NARF: variants seen among roughly 807,000 people sequenced by gnomAD.
NARF encodes nuclear prelamin A recognition factor, also known as iron-only hydrogenase-like protein 2.
Under a neutral mutation model 48.0 loss-of-function variants are expected in NARF, and 41 were observed. The observed-to-expected ratio is 0.85, with a 90% CI of 0.66 to 1.11. The LOEUF is 1.11. Ranked by LOEUF, NARF falls within the 50% of genes least tolerant of loss-of-function variation. NARF has a pLI of 0.00. For missense variants in NARF, 613 were observed against 590.2 expected (o/e 1.04, Z -0.40); for synonymous variants, 215 against 225.5 (o/e 0.95, Z 0.42).
Position 82,458,752 on chromosome 17 carries a change from C to T in NARF, c.-52C>T, listed in dbSNP as rs1359357956. 1 of 1,476,358 alleles carries T rather than the reference C, an allele frequency of 6.8e-7. No individual in the cohort carries two copies. The highest frequency in any genetic ancestry group is 2.8e-5 in the East Asian group (1 of 35,884). The allele number at this position is 1,476,358 out of a possible 1,614,324, so 91.5% of individuals were successfully genotyped here. On this transcript the variant is annotated 5_prime_UTR_variant, in exon 1 of 11. Transcript: ENST00000309794. ...CGGCGGGCAGTGGTGTCCCAGTCTC[C>T]CGGTGCTTCCCTGAGGCTGAGGCGC...
intron 6 of NARF, 59 bp downstream of exon 6, chr17:82,478,977 GCCCAGGAA>G: frequency 6.6e-7 from 1 of 1,505,724 alleles, no homozygotes; most frequent in Admixed American, 1.8e-5. Flanking sequence ...TGGCACAGGG[GCCCAGGAA>G]GGGGAGGTTC....
intron 10 of NARF, 51 bp from the exon 11 acceptor site, chr17:82,487,865 G>A: frequency 1.9e-6 from 3 of 1,599,180 alleles, no homozygotes; most frequent in South Asian, 1.1e-5. Context: ...GGAAGCTAAG[G>A]CAGAAAGATC....
chr17:82,470,200 G>A (rs1386756916), intron 4 of NARF, among the ~76,000 whole-genome samples: 6 of 152,156 alleles, frequency 3.9e-5, no homozygotes, highest in Non-Finnish European at 8.8e-5. Flanking sequence ...TGTGCCCTAG[G>A]CGCCTGGGCT....
chr17:82,485,901 A>G (rs1338576101), intron 10 of NARF, among the ~76,000 whole-genome samples: 2 of 152,232 alleles, frequency 1.3e-5, no homozygotes. Context: ...AGGAGGCCCA[A>G]CATGGCACCA....
Position 82,483,747 on chromosome 17 carries a change from C to T in NARF, c.801C>T (p.Asp267=), listed in dbSNP as rs777092843. ...GEIAQIMEQG[D]LSVRDAAVDT... Reference sequence around the variant, plus strand: ...TTGCTCAAATAATGGAGCAAGGTGACCTCTCAGTGAGAGATGCTGCCGTCG... The same window carrying T: ...TTGCTCAAATAATGGAGCAAGGTGATCTCTCAGTGAGAGATGCTGCCGTCG... Residue 267 remains aspartate, a synonymous_variant, in exon 8 of 11, where the codon GAC becomes GAT. Coordinates refer to ENST00000309794, the MANE Select transcript of NARF (RefSeq NM_012336.4). 5.0e-6 allele frequency: 8 copies of T among 1,613,762 alleles called. No homozygotes were observed. Among genetic ancestry groups the T allele is most frequent in the Admixed American group, 1.7e-5 (1 of 59,992 alleles).
At chr17:82,465,513 C>T (rs1201878388) in intron 3 of NARF, among the ~76,000 whole-genome samples, 1 of 152,140 alleles carries the variant, frequency 6.6e-6, no homozygotes, top group African/African-American at 2.4e-5. Flanking sequence ...AGCCAAGGAG[C>T]CTTCTCAGCG....
At chr17:82,464,739 G>T (rs145581697) in intron 3 of NARF, among the ~76,000 whole-genome samples, 3 of 152,182 alleles carry the variant, frequency 2.0e-5, no homozygotes, top group Non-Finnish European at 4.4e-5. Flanking sequence ...GTGATCATGC[G>T]GGCAGCACAG....
At chr17:82,458,645 G>C, upstream of NARF, 1 of 937,700 alleles carries the variant, frequency 1.1e-6, no homozygotes, top group Non-Finnish European at 1.5e-6. Flanking sequence ...GGTGCGGCTT[G>C]TCCTCTCCCG....
intron 10 of NARF, among the ~76,000 whole-genome samples, chr17:82,487,432 C>T (rs1410810962): frequency 1.3e-5 from 2 of 149,708 alleles, no homozygotes. Flanking sequence ...TGCAGTGAGC[C>T]GAGATTAGGC....
rs775848699 is a variant in NARF, at chr17:82,488,341, C to G, written c.*184C>G. 8.5e-5 allele frequency: 76 copies of G among 893,352 alleles called. No individual in the cohort carries two copies. Among genetic ancestry groups the G allele is most frequent in the Admixed American group, 2.2e-4 (7 of 32,410 alleles). The allele number at this position is 893,352 out of a possible 1,614,324, so 55.3% of individuals were successfully genotyped here. ...GCCCCTCAGGCAGTTTCATGTGGTG[C>G]TATCTTCATAATAGGTGTGGGATTG... On this transcript the variant is annotated 3_prime_UTR_variant, in exon 11 of 11. Transcript: ENST00000309794.
At chr17:82,480,371 G>T in intron 6 of NARF, 1 of 401,868 alleles carries the variant, frequency 2.5e-6, no homozygotes, top group South Asian at 1.3e-4. Flanking sequence ...ACGCCGGCTG[G>T]ACTTCCTCTT....
intron 1 of NARF, among the ~76,000 whole-genome samples, chr17:82,459,713 T>C (rs1448723685): frequency 1.3e-5 from 2 of 151,810 alleles, no homozygotes; most frequent in Non-Finnish European, 2.9e-5. Context: ...CTACTAAAAA[T>C]ATAAAATTAG....
chr17:82,480,768 C>CTAAG (rs1177849185), intron 6 of NARF: 22 of 506,228 alleles, frequency 4.3e-5, no homozygotes, highest in Middle Eastern at 5.3e-4. Flanking sequence ...CCCATCTCTA[C>CTAAG]TAAAGTACAA....
chr17:82,468,981 C>T (rs1022496655), intron 4 of NARF, 85 bp downstream of exon 4: 15 of 1,491,092 alleles, frequency 1.0e-5, no homozygotes, highest in African/African-American at 5.6e-5. Flanking sequence ...TTTTCAAGGA[C>T]GCAGGGTAGA....
In NARF at chr17:82,458,962, C is replaced by T. The variant is rs1465646145; in HGVS notation, c.27+132C>T. On this transcript the variant is annotated intron_variant, in intron 1 of 10. Coordinates refer to ENST00000309794, the MANE Select transcript of NARF (RefSeq NM_012336.4). ...TCAAGGCGCCCCCGGCCTCGGCACC[C>T]TGGGCCCGCTCGGCGTGGAGGCGGC... 6.6e-6 allele frequency: 8 copies of T among 1,220,758 alleles called. No individual in the cohort carries two copies. In the South Asian group the frequency reaches 1.2e-4, roughly 19 times the overall value. 75.6% of individuals were successfully genotyped at this position (1,220,758 alleles called of 1,614,324 possible).
intron 6 of NARF, chr17:82,480,397 A>G: frequency 2.5e-6 from 1 of 400,754 alleles, no homozygotes; most frequent in Non-Finnish European, 4.4e-6. Context: ...TTTTGTCCCC[A>G]TGTGCACAGG....
chr17:82,458,726 G>A (rs989277738), upstream of NARF: 5 of 1,436,934 alleles, frequency 3.5e-6, no homozygotes, highest in Non-Finnish European at 4.5e-6. Context: ...AGGGCCGCGG[G>A]CGGCGGGCAG....
chr17:82,482,614 G>T (rs1031340017), intron 7 of NARF: 2 of 153,008 alleles, frequency 1.3e-5, no homozygotes, highest in African/African-American at 4.8e-5. Context: ...CATGTAAAAG[G>T]AAATACAGAA....
chr17:82,464,214 G>A, intron 2 of NARF, 73 bp from the exon 3 acceptor site: 2 of 1,550,624 alleles, frequency 1.3e-6, no homozygotes, highest in African/African-American at 1.4e-5. Context: ...CTGTATATGG[G>A]TGTTACCCTC....
Sources: gnomAD v4.1 joint callset for allele counts (sites outside exome capture counted in the v4.1 genomes callset) on GRCh38, gnomAD v4.1.1 for gene constraint, MANE v1.5 for transcripts, NCBI Gene and HGNC (gene_info 2026-07-23, HGNC 2026-07-21) for gene names.